LRRC1: variants seen among roughly 807,000 people sequenced by gnomAD.
The protein encoded by LRRC1 is leucine rich repeat containing 1.
Under a neutral mutation model 69.9 loss-of-function variants are expected in LRRC1, and 28 were observed. The observed-to-expected ratio is 0.40, with a 90% CI of 0.30 to 0.55. The LOEUF (loss-of-function observed/expected upper bound fraction) is 0.55. Among genes scored for constraint, LRRC1 ranks in the 20% least tolerant of loss-of-function variants. LRRC1 has a pLI of 0.47. For missense variants in LRRC1, 498 were observed against 609.0 expected (o/e 0.82, Z 1.92); for synonymous variants, 236 against 240.2 (o/e 0.98, Z 0.16).
chr6:53,815,475 G>A (rs755808968), intron 1 of LRRC1, among the ~76,000 whole-genome samples: 1 of 151,852 alleles, frequency 6.6e-6, no homozygotes, highest in African/African-American at 2.4e-5. Context: ...TCCACTTTAG[G>A]GCCTTTTTCT....
chr6:53,888,079 T>C (rs9395887), intron 4 of LRRC1, among the ~76,000 whole-genome samples: 54,725 of 152,098 alleles, frequency 0.36, 10,425 homozygotes, highest in East Asian at 0.63. Flanking sequence ...GTTGGTACAA[T>C]GTGTGAATGA....
intron 1 of LRRC1, among the ~76,000 whole-genome samples, chr6:53,818,812 G>T (rs527306316): frequency 6.6e-6 from 1 of 152,330 alleles, no homozygotes; most frequent in African/African-American, 2.4e-5. Flanking sequence ...GGAAATGGTG[G>T]TGGATACTTA....
At chr6:53,851,755 C>T (rs1265173502) in intron 2 of LRRC1, among the ~76,000 whole-genome samples, 1 of 152,114 alleles carries the variant, frequency 6.6e-6, no homozygotes, top group African/African-American at 2.4e-5. Flanking sequence ...TCTCATTGCA[C>T]TTTCACAACT....
At chr6:53,806,262 G>C (rs564392694) in intron 1 of LRRC1, among the ~76,000 whole-genome samples, 25 of 152,312 alleles carry the variant, frequency 1.6e-4, no homozygotes, top group African/African-American at 6.0e-4. Flanking sequence ...CTTATTAATA[G>C]GGTGGTTGGT....
At chr6:53,801,435 C>G (rs1764482582) in intron 1 of LRRC1, among the ~76,000 whole-genome samples, 1 of 152,132 alleles carries the variant, frequency 6.6e-6, no homozygotes, top group Non-Finnish European at 1.5e-5. Context: ...GGACATACTT[C>G]AATAACATTA....
chr6:53,806,018 G>A (rs1485785105), intron 1 of LRRC1, among the ~76,000 whole-genome samples: 4 of 152,102 alleles, frequency 2.6e-5, no homozygotes, highest in African/African-American at 4.8e-5. Context: ...CTTAGTCTTC[G>A]TTTTTTGTAG....
At chr6:53,889,350 C>T (rs573890492) in intron 4 of LRRC1, among the ~76,000 whole-genome samples, 1 of 152,084 alleles carries the variant, frequency 6.6e-6, no homozygotes, top group East Asian at 1.9e-4. Context: ...CAATTCCATT[C>T]CTAGCTATGT....
chr6:53,855,781 C>T (rs1029446878), intron 2 of LRRC1, among the ~76,000 whole-genome samples: 20 of 152,166 alleles, frequency 1.3e-4, no homozygotes, highest in Non-Finnish European at 5.9e-5. Flanking sequence ...ACCCCAGCCC[C>T]CTTTTAGGTC....
intron 12 of LRRC1, 34 bp from the exon 13 acceptor site, chr6:53,920,591 C>G: frequency 6.2e-7 from 1 of 1,613,840 alleles, no homozygotes; most frequent in Non-Finnish European, 8.5e-7. Context: ...ACATGAAACG[C>G]AATTCCCTGC....
intron 1 of LRRC1, among the ~76,000 whole-genome samples, chr6:53,841,507 T>C (rs892745386): frequency 1.3e-5 from 2 of 152,188 alleles, no homozygotes; most frequent in Non-Finnish European, 2.9e-5. Context: ...TATGTTCATG[T>C]GTATATAAAT....
chr6:53,835,174 G>A (rs536762178), intron 1 of LRRC1, among the ~76,000 whole-genome samples: 13 of 152,054 alleles, frequency 8.5e-5, no homozygotes, highest in East Asian at 1.9e-4. Flanking sequence ...AACCATTACC[G>A]CAATCAATTT....
At chr6:53,798,410 C>G (rs1764364228) in intron 1 of LRRC1, among the ~76,000 whole-genome samples, 1 of 152,230 alleles carries the variant, frequency 6.6e-6, no homozygotes, top group African/African-American at 2.4e-5. Flanking sequence ...CGGAGTCTCA[C>G]TCTTGTTGCC....
intron 8 of LRRC1, among the ~76,000 whole-genome samples, chr6:53,901,337 T>C (rs1225184641): frequency 6.6e-6 from 1 of 152,126 alleles, no homozygotes; most frequent in Non-Finnish European, 1.5e-5. Flanking sequence ...GCCAGGAGTT[T>C]AAGACCAGCT....
intron 2 of LRRC1, among the ~76,000 whole-genome samples, chr6:53,855,549 G>T (rs1766282900): frequency 6.6e-6 from 1 of 152,178 alleles, no homozygotes; most frequent in South Asian, 2.1e-4. Flanking sequence ...GCACCTCGGG[G>T]ACCTGAGGGA....
intron 1 of LRRC1, among the ~76,000 whole-genome samples, chr6:53,833,401 G>C (rs533162309): frequency 1.3e-5 from 2 of 152,272 alleles, no homozygotes; most frequent in African/African-American, 4.8e-5. Flanking sequence ...ATCATTAATG[G>C]TGACAGCTTA....
At chr6:53,837,307 C>T in intron 1 of LRRC1, among the ~76,000 whole-genome samples, 1 of 151,942 alleles carries the variant, frequency 6.6e-6, no homozygotes, top group East Asian at 1.9e-4. Context: ...AAGAACAATA[C>T]CAGATGACAC....
At chr6:53,827,069 A>G (rs1205900471) in intron 1 of LRRC1, among the ~76,000 whole-genome samples, 1 of 152,170 alleles carries the variant, frequency 6.6e-6, no homozygotes, top group African/African-American at 2.4e-5. Flanking sequence ...TTAAGCAATC[A>G]TATTCCCAAA....
intron 1 of LRRC1, among the ~76,000 whole-genome samples, chr6:53,822,902 G>T (rs559474560): frequency 5.3e-5 from 8 of 152,308 alleles, no homozygotes; most frequent in Admixed American, 2.0e-4. Flanking sequence ...TCCAGTTAAG[G>T]TGTAAGCCCT....
chr6:53,824,881 G>T (rs1277837525), intron 1 of LRRC1, among the ~76,000 whole-genome samples: 1 of 152,176 alleles, frequency 6.6e-6, no homozygotes, highest in Non-Finnish European at 1.5e-5. Flanking sequence ...CCTGGCCCAT[G>T]CTTGAATGGG....
Sources: allele counts gnomAD v4.1 joint callset (sites outside exome capture counted in the v4.1 genomes callset), GRCh38; gene constraint gnomAD v4.1.1; transcripts MANE v1.5; gene names NCBI Gene and HGNC (gene_info 2026-07-23, HGNC 2026-07-21).